Variants in PAMR1 observed in about 807,000 individuals in gnomAD.
PAMR1 encodes the protein inactive serine protease PAMR1.
In PAMR1, 88 loss-of-function variants were observed where a neutral mutation model predicts 81.8. That is an observed-to-expected ratio of 1.08 (90% CI 0.91 to 1.28). The LOEUF is 1.28. Among genes scored for constraint, PAMR1 ranks in the 50% most tolerant of loss-of-function variants. PAMR1 has a pLI of 0.00. For missense variants in PAMR1, 935 were observed against 919.7 expected (o/e 1.02, Z -0.21); for synonymous variants, 336 against 345.3 (o/e 0.97, Z 0.30).
At chr11:35,466,712 G>A (rs1332962213) in intron 6 of PAMR1, among the ~76,000 whole-genome samples, 1 of 116,462 alleles carries the variant, frequency 8.6e-6, no homozygotes, top group African/African-American at 3.5e-5. Flanking sequence ...GGGCGACAGA[G>A]AGAGGCTCTA....
At chr11:35,465,273 T>C (rs977235240) in intron 6 of PAMR1, among the ~76,000 whole-genome samples, 1 of 152,266 alleles carries the variant, frequency 6.6e-6, no homozygotes, top group Admixed American at 6.5e-5. Flanking sequence ...ATGAAAGATT[T>C]CTCATTAATG....
chr11:35,487,562 G>A (rs530335452), intron 3 of PAMR1, among the ~76,000 whole-genome samples: 3 of 152,190 alleles, frequency 2.0e-5, no homozygotes, highest in African/African-American at 7.2e-5. Context: ...CTTCGACTGG[G>A]TCCTCCGTCT....
intron 8 of PAMR1, among the ~76,000 whole-genome samples, chr11:35,439,008 A>G (rs1856107258): frequency 6.6e-6 from 1 of 152,166 alleles, no homozygotes; most frequent in Non-Finnish European, 1.5e-5. Context: ...GGAGTGATAG[A>G]GGAAAATCAA....
Position 35,456,639 on chromosome 11 carries a change from C to T in PAMR1, c.820+11362G>A, listed in dbSNP as rs145526534. Among the ~76,000 whole-genome samples the T allele has an allele frequency of 7.9e-5, 12 of 152,280 alleles. No homozygotes were observed. In the East Asian group the frequency reaches 1.9e-3, roughly 24 times the overall value. Reference sequence around the variant, plus strand: ...TGGACAATTGATCAGGGCACAATTACAAGAGATGAGACAATTAGAAGAGAC... The same window carrying T: ...TGGACAATTGATCAGGGCACAATTATAAGAGATGAGACAATTAGAAGAGAC... On this transcript the variant is annotated intron_variant, in intron 6 of 10. Coordinates refer to ENST00000619888, the MANE Select transcript of PAMR1 (RefSeq NM_001001991.3).
intron 8 of PAMR1, 63 bp from the exon 9 acceptor site, chr11:35,436,198 T>C (rs1448064541): frequency 9.9e-7 from 1 of 1,011,018 alleles, no homozygotes; most frequent in Non-Finnish European, 1.6e-6. Context: ...GTGGCCTCTT[T>C]AGCATTCATG....
chr11:35,439,593 C>G (rs1435634168), intron 8 of PAMR1, 34 bp downstream of exon 8: 1 of 1,547,698 alleles, frequency 6.5e-7, no homozygotes, highest in Non-Finnish European at 8.9e-7. Context: ...TACTCATTAG[C>G]CTTCAGGGCA....
At chr11:35,462,552 T>A (rs1409820778) in intron 6 of PAMR1, among the ~76,000 whole-genome samples, 1 of 152,206 alleles carries the variant, frequency 6.6e-6, no homozygotes, top group Non-Finnish European at 1.5e-5. Flanking sequence ...ATTGTCCAGA[T>A]TGTAGAAACT....
intron 1 of PAMR1, among the ~76,000 whole-genome samples, chr11:35,502,021 G>A (rs660411): frequency 0.33 from 49,520 of 151,610 alleles, 8,208 homozygotes; most frequent in African/African-American, 0.41. Context: ...CATAATGGCT[G>A]CACTAATATA....
In PAMR1 at chr11:35,436,334, G is replaced by T. The variant is rs1856043663; in HGVS notation, c.1101-199C>A. The T allele has an allele frequency of 5.5e-6, 3 of 550,402 alleles. No homozygotes were observed. The Admixed American group carries it at 9.2e-5, about 17-fold the overall frequency. 34.1% of individuals were successfully genotyped at this position (550,402 alleles called of 1,614,324 possible). On this transcript the variant is annotated intron_variant, in intron 8 of 10. Transcript: ENST00000619888. ...TCCCTCTGTCCCTCACTCCAGGATG[G>T]AGTGTAGTGATGCGATCTTGGCTCA...
intron 6 of PAMR1, among the ~76,000 whole-genome samples, chr11:35,458,841 C>T (rs1856589985): frequency 6.6e-6 from 1 of 152,154 alleles, no homozygotes; most frequent in South Asian, 2.1e-4. Flanking sequence ...ATCACATGGC[C>T]TCTCTTCTCT....
At position 35,440,572 on chromosome 11, in the gene PAMR1, T is replaced by C. The variant is rs1417566629; in HGVS notation, c.1034-879A>G. On this transcript the variant is annotated intron_variant, in intron 7 of 10. Transcript: ENST00000619888. ...TAATCTAGGACAAGGACATGTTTTC[T>C]TCCCAGTAAACAGCCAGATCATTGT... is the stretch of plus-strand genomic sequence containing the variant. Among the ~76,000 whole-genome samples, 2 of 152,212 alleles carry C rather than the reference T, an allele frequency of 1.3e-5. 1 individual carries two copies. The highest frequency in any genetic ancestry group is 2.9e-5 in the Non-Finnish European group (2 of 68,034).
At chr11:35,475,928 C>T (rs1034153079) in intron 3 of PAMR1, among the ~76,000 whole-genome samples, 1 of 152,174 alleles carries the variant, frequency 6.6e-6, no homozygotes, top group African/African-American at 2.4e-5. Flanking sequence ...CCTTCTTAAA[C>T]TTGGATGCAT....
At chr11:35,524,571 G>A (rs1851349502) in intron 1 of PAMR1, among the ~76,000 whole-genome samples, 1 of 152,176 alleles carries the variant, frequency 6.6e-6, no homozygotes. Flanking sequence ...CAGAAGGGAA[G>A]CAGCGAAGGC....
rs370069494 is a variant in PAMR1, at chr11:35,525,519, G to C, written c.67C>G (p.Pro23Ala). ...FLQLLLISSLPREYTVINEAC... is the reference protein window; with the variant it reads ...FLQLLLISSLAREYTVINEAC... ...CGGACGCTACTCACAGTACCTCTTG[G>C]CAAGGACGAGATGAGAAGGAGCTGA... Residue 23 changes from proline to alanine, a missense_variant, in exon 1 of 11, where the codon CCA (proline) becomes GCA (alanine). Physicochemically the swap from Pro to Ala is conservative, Grantham distance 27. Coordinates refer to ENST00000619888, the MANE Select transcript of PAMR1 (RefSeq NM_001001991.3). 2 of 1,613,570 alleles carry C rather than the reference G, an allele frequency of 1.2e-6. No homozygotes were observed. The highest frequency in any genetic ancestry group is 2.7e-5 in the African/African-American group (2 of 74,906).
At chr11:35,468,215 A>G in intron 5 of PAMR1, 107 bp from the exon 6 acceptor site, 1 of 640,294 alleles carries the variant, frequency 1.6e-6, no homozygotes, top group South Asian at 2.1e-5. Context: ...TCTTCTTGCA[A>G]TGTTTTTTCT....
At chr11:35,521,972 G>A (rs58100922) in intron 1 of PAMR1, among the ~76,000 whole-genome samples, 2,387 of 151,996 alleles carry the variant, frequency 0.016, 60 homozygotes, top group African/African-American at 0.055. Context: ...GCCCAAGCTG[G>A]AGTGCAGTGG....
intron 6 of PAMR1, among the ~76,000 whole-genome samples, chr11:35,443,893 A>G (rs899617462): frequency 5.3e-5 from 8 of 152,214 alleles, no homozygotes; most frequent in African/African-American, 1.9e-4. Flanking sequence ...AATACTCGCC[A>G]TTGCGACTGG....
chr11:35,451,687 C>T (rs1366662328), intron 6 of PAMR1, among the ~76,000 whole-genome samples: 2 of 152,144 alleles, frequency 1.3e-5, no homozygotes, highest in African/African-American at 4.8e-5. Flanking sequence ...GTGTGTCCCT[C>T]CAATATTCAT....
rs563127600 is a variant in PAMR1 at position 35,510,087 on chromosome 11, C to T, written c.73+15426G>A. Among the ~76,000 whole-genome samples, 46 of 152,304 alleles carry T rather than the reference C, an allele frequency of 3.0e-4. No individual in the cohort carries two copies. In the East Asian group the frequency reaches 3.7e-3, roughly 12 times the overall value. ...GCTACACACATTCATTCATCACTAG[C>T]TCTTCCATTGGATAAAATATTTTTT... On this transcript the variant is annotated intron_variant, in intron 1 of 10. Transcript: ENST00000619888.
Sources: allele counts gnomAD v4.1 joint callset (sites outside exome capture counted in the v4.1 genomes callset), GRCh38; gene constraint gnomAD v4.1.1; transcripts MANE v1.5; gene names NCBI Gene and HGNC (gene_info 2026-07-23, HGNC 2026-07-21).